Variants in COP1 observed in about 807,000 individuals in gnomAD.
COP1 encodes E3 ubiquitin-protein ligase COP1.
A neutral mutation model predicts 101.3 loss-of-function variants in COP1; 24 were observed. The observed-to-expected ratio is 0.24, with a 90% CI of 0.17 to 0.33. COP1 has a LOEUF of 0.33. Ranked by LOEUF, COP1 falls within the 10% of genes least tolerant of loss-of-function variation. The pLI is 1.00. For synonymous variants in COP1, 347 were observed against 341.9 expected (o/e 1.01, Z -0.17); for missense variants, 663 against 906.2 (o/e 0.73, Z 3.45).
At chr1:176,163,289 T>C (rs1694614836) in intron 4 of COP1, among the ~76,000 whole-genome samples, 3 of 152,240 alleles carry the variant, frequency 2.0e-5, no homozygotes, top group African/African-American at 7.2e-5. Context: ...TCTAGCCATA[T>C]TTTCAATTTT....
intron 8 of COP1, among the ~76,000 whole-genome samples, chr1:176,134,484 A>T (rs1338254880): frequency 6.6e-6 from 1 of 152,034 alleles, no homozygotes; most frequent in Non-Finnish European, 1.5e-5. Context: ...GGTCATGACA[A>T]ATATAACCCT....
At chr1:176,152,743 A>G (rs1187517636) in intron 5 of COP1, among the ~76,000 whole-genome samples, 1 of 152,130 alleles carries the variant, frequency 6.6e-6, no homozygotes, top group Non-Finnish European at 1.5e-5. Flanking sequence ...CCCAGCTTAA[A>G]ATTCTAACCA....
chr1:176,136,940 G>C (rs75916161), intron 6 of COP1, among the ~76,000 whole-genome samples: 5,915 of 151,890 alleles, frequency 0.039, 178 homozygotes, highest in Non-Finnish European at 0.055. Flanking sequence ...ATAGAGATAG[G>C]TTTCACTATG....
chr1:176,088,315 T>C (rs1283349185), intron 9 of COP1, among the ~76,000 whole-genome samples: 1 of 152,090 alleles, frequency 6.6e-6, no homozygotes, highest in Non-Finnish European at 1.5e-5. Flanking sequence ...AAACACTGAA[T>C]GACAGTCATA....
intron 18 of COP1, among the ~76,000 whole-genome samples, chr1:175,980,242 C>A (rs879763762): frequency 0.11 from 16,221 of 151,554 alleles, 960 homozygotes; most frequent in Middle Eastern, 0.16. Flanking sequence ...ACTATGATGT[C>A]TTTTTTTGAG....
chr1:176,106,296 G>A (rs1684291576), intron 9 of COP1, among the ~76,000 whole-genome samples: 1 of 152,152 alleles, frequency 6.6e-6, no homozygotes, highest in Non-Finnish European at 1.5e-5. Flanking sequence ...CTCCCAAAGT[G>A]CTGGGATTAC....
intron 18 of COP1, among the ~76,000 whole-genome samples, chr1:175,954,459 T>C (rs1428331106): frequency 2.0e-5 from 3 of 151,892 alleles, no homozygotes; most frequent in African/African-American, 7.2e-5. Context: ...TAAAAAAGTA[T>C]TGAAATGAAA....
At chr1:176,184,018 T>C (rs1425241575) in intron 2 of COP1, among the ~76,000 whole-genome samples, 1 of 152,086 alleles carries the variant, frequency 6.6e-6, no homozygotes, top group Non-Finnish European at 1.5e-5. Flanking sequence ...TGTACAATAA[T>C]ATGAACATAC....
chr1:176,135,565 A>G (rs1169967363), intron 7 of COP1, among the ~76,000 whole-genome samples: 2 of 152,052 alleles, frequency 1.3e-5, no homozygotes, highest in African/African-American at 2.4e-5. Flanking sequence ...CTTTATATAT[A>G]TTCTTCACAA....
intron 18 of COP1, among the ~76,000 whole-genome samples, chr1:175,973,563 T>C (rs1444617168): frequency 2.0e-5 from 3 of 152,212 alleles, no homozygotes; most frequent in African/African-American, 7.2e-5. Context: ...GGGCTGTTCT[T>C]ATGAGATAAC....
rs566225471 is a variant in COP1 at position 176,148,959 on chromosome 1, T to A, written c.831+47A>T. The A allele has an allele frequency of 2.4e-6, 3 of 1,230,856 alleles. No individual in the cohort carries two copies. In the East Asian group the frequency reaches 7.5e-5, roughly 31 times the overall value. The allele number at this position is 1,230,856 out of a possible 1,614,324, so 76.2% of individuals were successfully genotyped here. A position where few individuals can be genotyped will look rare whatever the true frequency, so the allele number is the denominator to read the frequency against. On this transcript the variant is annotated intron_variant, in intron 6 of 19. Coordinates refer to ENST00000367669, the MANE Select transcript of COP1 (RefSeq NM_022457.7). ...AATGCTTTTACAAAATGGGAACAGT[T>A]AACAATAGTAAATAAAACATTATGT...
At chr1:176,097,227 GA>G (rs555240474) in intron 9 of COP1, among the ~76,000 whole-genome samples, 1 of 147,760 alleles carries the variant, frequency 6.8e-6, no homozygotes, top group African/African-American at 2.5e-5. Context: ...TTGTTTTGTT[GA>G]AAAAAAAACG....
At chr1:176,116,815 C>T (rs1686264943) in intron 8 of COP1, 134 bp from the exon 9 acceptor site, 1 of 645,918 alleles carries the variant, frequency 1.5e-6, no homozygotes, top group Non-Finnish European at 2.7e-6. Context: ...TATTGCCAAT[C>T]ATTAGACATC....
intron 11 of COP1, among the ~76,000 whole-genome samples, chr1:176,055,079 C>G (rs566132662): frequency 6.6e-6 from 1 of 152,294 alleles, no homozygotes; most frequent in South Asian, 2.1e-4. Flanking sequence ...TTTTCTCCTA[C>G]CTTACTGACA....
chr1:176,155,543 A>C (rs1693317209), intron 5 of COP1, among the ~76,000 whole-genome samples: 1 of 152,048 alleles, frequency 6.6e-6, no homozygotes, highest in Admixed American at 6.6e-5. Context: ...CTACAGGGAA[A>C]GGAAGGAGAG....
At chr1:176,053,086 C>A (rs1056140510) in intron 11 of COP1, among the ~76,000 whole-genome samples, 1 of 152,082 alleles carries the variant, frequency 6.6e-6, no homozygotes, top group Non-Finnish European at 1.5e-5. Flanking sequence ...ATATGAAGTG[C>A]TAGGTCAAAA....
intron 5 of COP1, among the ~76,000 whole-genome samples, chr1:176,151,377 GAAAGAAAGAA>G (rs1692518770): frequency 9.1e-6 from 1 of 109,802 alleles, no homozygotes; most frequent in Admixed American, 8.2e-5. Flanking sequence ...AAGAAAGAAA[GAAAGAAAGAA>G]AGAAAGAAAG....
chr1:176,171,586 T>G (rs1696067456), intron 3 of COP1, among the ~76,000 whole-genome samples: 1 of 152,208 alleles, frequency 6.6e-6, no homozygotes. Flanking sequence ...AAGATCTCAG[T>G]GACATTCTTC....
intron 14 of COP1, among the ~76,000 whole-genome samples, chr1:176,042,415 T>C (rs1449355283): frequency 6.8e-6 from 1 of 146,470 alleles, no homozygotes; most frequent in African/African-American, 2.5e-5. Context: ...TACAAAAAAT[T>C]AGCCAGGCAT....
Sources: allele counts gnomAD v4.1 joint callset (sites outside exome capture counted in the v4.1 genomes callset), GRCh38; gene constraint gnomAD v4.1.1; transcripts MANE v1.5; gene names NCBI Gene and HGNC (gene_info 2026-07-23, HGNC 2026-07-21).